Variants in MOB3A observed in about 807,000 individuals in gnomAD.
MOB3A encodes MOB kinase activator 3A, also known as MOB LAK.
In MOB3A, 17 loss-of-function variants were observed where a neutral mutation model predicts 17.8. That is an observed-to-expected ratio of 0.95 (90% CI 0.65 to 1.43). The LOEUF is 1.43. Ranked by LOEUF, MOB3A falls within the 40% of genes most tolerant of loss-of-function variation. MOB3A has a pLI of 0.00. For missense variants in MOB3A, 333 were observed against 310.8 expected, an observed-to-expected ratio of 1.07 and a Z score of -0.54; for synonymous variants, 124 against 133.2, an observed-to-expected ratio of 0.93 and a Z score of 0.48.
intron 4 of MOB3A, among the ~76,000 whole-genome samples, chr19:2,075,027 C>CTTT (rs1424566957): frequency 1.1e-4 from 16 of 149,268 alleles, no homozygotes; most frequent in African/African-American, 3.9e-4. Context: ...TTAATCTTTT[C>CTTT]TTTTCTTTTT....
chr19:2,090,876 A>C (rs1369917168), intron 1 of MOB3A, among the ~76,000 whole-genome samples: 16 of 152,108 alleles, frequency 1.1e-4, no homozygotes, highest in Admixed American at 1.0e-3. Context: ...GTTAGTCAGG[A>C]TGGTCTCGAT....
intron 2 of MOB3A, chr19:2,084,148 G>T: frequency 2.0e-6 from 1 of 501,882 alleles, no homozygotes. Context: ...AACAAGACAG[G>T]GCAGCCCGAG....
chr19:2,074,108 A>G (rs1223685141), intron 4 of MOB3A, among the ~76,000 whole-genome samples: 1 of 152,040 alleles, frequency 6.6e-6, no homozygotes, highest in Non-Finnish European at 1.5e-5. Flanking sequence ...CCTGGCTAAC[A>G]TGGTGAAACC....
intron 1 of MOB3A, among the ~76,000 whole-genome samples, chr19:2,088,169 A>G (rs555377186): frequency 4.6e-5 from 7 of 152,222 alleles, no homozygotes; most frequent in Admixed American, 2.0e-4. Flanking sequence ...GGTGGTGGCC[A>G]GGGATGCTGC....
intron 1 of MOB3A, among the ~76,000 whole-genome samples, chr19:2,089,395 G>A (rs898136641): frequency 2.0e-5 from 3 of 152,156 alleles, no homozygotes; most frequent in Admixed American, 6.5e-5. Context: ...TGTGGACATC[G>A]GCGTGGGTCA....
chr19:2,074,386 G>GAAAAAGA (rs1431508698), intron 4 of MOB3A, among the ~76,000 whole-genome samples: 2 of 151,250 alleles, frequency 1.3e-5, no homozygotes, highest in Non-Finnish European at 2.9e-5. Flanking sequence ...CAGAAAAAAA[G>GAAAAAGA]AAAAAGAAAA....
At chr19:2,096,014 G>A (rs986504800) in intron 1 of MOB3A, among the ~76,000 whole-genome samples, 2 of 152,044 alleles carry the variant, frequency 1.3e-5, no homozygotes, top group Non-Finnish European at 2.9e-5. Context: ...AAAGTGCTGG[G>A]ATTACAGGCG....
chr19:2,091,386 CT>C (rs2017612162), intron 1 of MOB3A, among the ~76,000 whole-genome samples: 3 of 152,002 alleles, frequency 2.0e-5, no homozygotes, highest in South Asian at 2.1e-4. Context: ...ATACCCAGAC[CT>C]TTTTTTCTTT....
intron 4 of MOB3A, among the ~76,000 whole-genome samples, chr19:2,075,603 G>A (rs1275800272): frequency 6.6e-6 from 1 of 152,148 alleles, no homozygotes; most frequent in Non-Finnish European, 1.5e-5. Flanking sequence ...CAGCCTCTGG[G>A]CAGGTTCCAG....
chr19:2,087,472 G>A (rs1033854556), intron 1 of MOB3A, among the ~76,000 whole-genome samples: 2 of 152,208 alleles, frequency 1.3e-5, no homozygotes, highest in African/African-American at 4.8e-5. Flanking sequence ...GGGCAACATA[G>A]TGAGACCCAT....
At chr19:2,087,165 T>C (rs1047567613) in intron 1 of MOB3A, among the ~76,000 whole-genome samples, 5 of 152,232 alleles carry the variant, frequency 3.3e-5, no homozygotes, top group Admixed American at 3.3e-4. Context: ...GGCCAGGTGC[T>C]ATCGAGGGCT....
intron 2 of MOB3A, chr19:2,084,233 C>T (rs2017525261): frequency 2.2e-6 from 1 of 456,454 alleles, no homozygotes; most frequent in South Asian, 1.6e-5. Context: ...TGGCTCATGC[C>T]TGTAATCCCT....
Position 2,071,771 on chromosome 19 carries a change from TGGAAGATTCCAGACCAGG to T in MOB3A, c.*1606_*1623del, listed in dbSNP as rs1194315261. ...TGGGAAAGGCCAATTCTGGCAGAAC[TGGAAGATTCCAGACCAGG>T]GGAGAGGCGTCCAGGGAGAGAAGAG... On this transcript the variant is annotated 3_prime_UTR_variant, in exon 5 of 5. Transcript: ENST00000357066. The T allele has an allele frequency of 2.0e-5, 3 of 153,396 alleles. No individual in the cohort carries two copies. Among genetic ancestry groups the T allele is most frequent in the African/African-American group, 7.2e-5 (3 of 41,482 alleles). 9.5% of individuals were successfully genotyped at this position (153,396 alleles called of 1,614,324 possible). A position where few individuals can be genotyped will look rare whatever the true frequency, so the allele number is the denominator to read the frequency against.
Position 2,078,664 on chromosome 19 carries a change from C to T in MOB3A, c.-104G>A, listed in dbSNP as rs1306887838. Reference sequence around the variant, plus strand: ...GCCACGAAACACTCACCAAGCCCCACAGCTCTCCCGCGGACCTGAAATACA... The same window carrying T: ...GCCACGAAACACTCACCAAGCCCCATAGCTCTCCCGCGGACCTGAAATACA... On this transcript the variant is annotated 5_prime_UTR_variant, in exon 3 of 5. The change creates a new upstream start codon in the 5' untranslated region. Transcript: ENST00000357066. The T allele has an allele frequency of 3.4e-6, 4 of 1,174,680 alleles. No homozygotes were observed. The South Asian group carries it at 4.7e-5, about 14-fold the overall frequency. 72.8% of individuals were successfully genotyped at this position (1,174,680 alleles called of 1,614,324 possible).
chr19:2,096,292 C>G lies in MOB3A; in HGVS notation c.-340G>C, dbSNP rs1377856214. On this transcript the variant is annotated 5_prime_UTR_variant, in exon 1 of 5. Coordinates refer to ENST00000357066, the MANE Select transcript of MOB3A (RefSeq NM_130807.3). ...AACTGGCCGCCTCGGCCGCCTCAGCCGCCGCACCGCCTCGCAGCCGCCGCG... is the reference window on the plus strand; with the variant it reads ...AACTGGCCGCCTCGGCCGCCTCAGCGGCCGCACCGCCTCGCAGCCGCCGCG... 1 of 158,414 alleles carries G rather than the reference C, an allele frequency of 6.3e-6. No homozygotes were observed. The highest frequency in any genetic ancestry group is 2.4e-5 in the African/African-American group (1 of 41,472). 9.8% of individuals were successfully genotyped at this position (158,414 alleles called of 1,614,324 possible). A position where few individuals can be genotyped will look rare whatever the true frequency, so the allele number is the denominator to read the frequency against.
chr19:2,081,769 G>A (rs1018804039), intron 2 of MOB3A, among the ~76,000 whole-genome samples: 10 of 148,852 alleles, frequency 6.7e-5, no homozygotes, highest in South Asian at 2.1e-4. Flanking sequence ...CTGAAATTCC[G>A]GCTACTTGGG....
chr19:2,096,464 G>A (rs1168063027), upstream of MOB3A: 2 of 158,926 alleles, frequency 1.3e-5, no homozygotes, highest in East Asian at 1.9e-4. Flanking sequence ...AAGGGGCCCG[G>A]GCGGCGAAGG....
At chr19:2,077,664 G>T (rs2017429470) in intron 3 of MOB3A, among the ~76,000 whole-genome samples, 1 of 152,116 alleles carries the variant, frequency 6.6e-6, no homozygotes, top group African/African-American at 2.4e-5. Flanking sequence ...AGGACTCCAG[G>T]CCTGATGCTG....
chr19:2,084,390 A>G (rs1243112387), intron 2 of MOB3A, among the ~76,000 whole-genome samples: 1 of 151,434 alleles, frequency 6.6e-6, no homozygotes, highest in Non-Finnish European at 1.5e-5. Flanking sequence ...GCTACTCAGG[A>G]GGCTGAGGCA....
Sources: allele counts gnomAD v4.1 joint callset (sites outside exome capture counted in the v4.1 genomes callset), GRCh38; gene constraint gnomAD v4.1.1; transcripts MANE v1.5; gene names NCBI Gene and HGNC (gene_info 2026-07-23, HGNC 2026-07-21).